GGNBP2: variants seen among roughly 807,000 people sequenced by gnomAD.
GGNBP2 encodes gametogenetin binding protein 2, also known as gametogenetin-binding protein 2.
Under a neutral mutation model 85.9 loss-of-function variants are expected in GGNBP2, and 10 were observed. The observed-to-expected ratio is 0.12, with a 90% CI of 0.07 to 0.20. The LOEUF (loss-of-function observed/expected upper bound fraction) is 0.20. Among genes scored for constraint, GGNBP2 ranks in the 10% least tolerant of loss-of-function variants. The pLI is 1.00. For missense variants in GGNBP2, 595 were observed against 857.8 expected (o/e 0.69, Z 3.83); for synonymous variants, 287 against 285.7 (o/e 1.00, Z -0.05).
At chr17:36,571,046 C>G (rs1037253562) in intron 6 of GGNBP2, among the ~76,000 whole-genome samples, 3 of 152,046 alleles carry the variant, frequency 2.0e-5, no homozygotes, top group Admixed American at 1.3e-4. Context: ...GGTAGAACAT[C>G]GGCAGATACT....
At position 36,587,193 on chromosome 17, in the gene GGNBP2, C is replaced by T. The variant is rs772067443; in HGVS notation, c.1838C>T (p.Thr613Met). The T allele has an allele frequency of 1.2e-5, 20 of 1,613,910 alleles. 1 individual carries two copies. The African/African-American group carries it at 1.7e-4, about 14-fold the overall frequency. The change falls in exon 13 of 14, where the codon ACG (threonine) becomes ATG (methionine). Residue 613 changes from threonine (T) to methionine (M), a missense_variant. Physicochemically the swap from Thr to Met is moderately conservative, Grantham distance 81 (BLOSUM62 -1). Coordinates refer to ENST00000613102, the MANE Select transcript of GGNBP2 (RefSeq NM_024835.5). ...CCACAGTTTGCAGAACCTACAGAAACGTTGTTTGGTCCCGATTCCGGAAAA... is the reference window on the plus strand; with the variant it reads ...CCACAGTTTGCAGAACCTACAGAAATGTTGTTTGGTCCCGATTCCGGAAAA... ...NVPQFAEPTE[T>M]LFGPDSGKGA...
At chr17:36,557,751 G>A (rs571244112) in intron 4 of GGNBP2, among the ~76,000 whole-genome samples, 1 of 152,284 alleles carries the variant, frequency 6.6e-6, no homozygotes, top group East Asian at 1.9e-4. Flanking sequence ...GCATGTTTGA[G>A]GAATAGTAAG....
chr17:36,569,923 C>A (rs1302848469), intron 6 of GGNBP2, among the ~76,000 whole-genome samples: 3 of 152,118 alleles, frequency 2.0e-5, no homozygotes, highest in Non-Finnish European at 2.9e-5. Flanking sequence ...GATTTTAGTC[C>A]ATTTTACAGA....
intron 2 of GGNBP2, among the ~76,000 whole-genome samples, chr17:36,554,351 AATTTT>A (rs1567818275): frequency 5.8e-5 from 6 of 102,640 alleles, no homozygotes; most frequent in African/African-American, 2.3e-4. Flanking sequence ...TATGTACTTG[AATTTT>A]TTTTTTTTTT....
chr17:36,571,822 G>A lies in GGNBP2; in HGVS notation c.641+4046G>A, dbSNP rs564099352. On this transcript the variant is annotated intron_variant, in intron 6 of 13. Transcript: ENST00000613102. The stretch of plus-strand genomic sequence containing the variant: ...TGCGCCACTGCACTGCAGCCTGGGC[G>A]ACAGAGCGAGACTCCATCTCAAAAA... Among the ~76,000 whole-genome samples, 281 of 152,064 alleles carry A rather than the reference G, an allele frequency of 1.8e-3. 3 individuals carry two copies. The highest frequency in any genetic ancestry group is 2.5e-3 in the Non-Finnish European group (170 of 67,970).
chr17:36,568,049 TC>T (rs1250845534), intron 6 of GGNBP2, among the ~76,000 whole-genome samples: 2 of 151,050 alleles, frequency 1.3e-5, no homozygotes, highest in Non-Finnish European at 3.0e-5. Context: ...CCTCAGCGTC[TC>T]GAGTAGCTGG....
intron 5 of GGNBP2, among the ~76,000 whole-genome samples, chr17:36,561,099 T>G (rs2074412464): frequency 6.6e-6 from 1 of 152,088 alleles, no homozygotes; most frequent in Non-Finnish European, 1.5e-5. Context: ...GTTAAATATG[T>G]TTTAGAGGAG....
chr17:36,583,821 A>C (rs909183323), intron 9 of GGNBP2, among the ~76,000 whole-genome samples: 3 of 152,176 alleles, frequency 2.0e-5, no homozygotes, highest in African/African-American at 7.2e-5. Flanking sequence ...TCAATACTAC[A>C]CTTTGACCAG....
chr17:36,546,931 G>A lies in GGNBP2; in HGVS notation c.93+1114G>A, dbSNP rs1033206236. On this transcript the variant is annotated intron_variant, in intron 2 of 13. Transcript: ENST00000613102. ...CCAGTCTATGCCTTTATGCTTGCCA[G>A]TCTCAATTAAGACTTGATTGAGCTG... 4.6e-5 allele frequency: 7 copies of A among 152,194 alleles called. No individual in the cohort carries two copies. In the East Asian group the frequency reaches 1.2e-3, roughly 25 times the overall value. 9.4% of individuals were successfully genotyped at this position (152,194 alleles called of 1,614,324 possible).
At chr17:36,576,595 A>ATGTGTGTGTGTGTGTG (rs71159620) in intron 6 of GGNBP2, 5 of 51,494 alleles carry the variant, frequency 9.7e-5, no homozygotes, top group African/African-American at 1.9e-4. Context: ...ATATATATAT[A>ATGTGTGTGTGTGTGTG]TGTGTGTGTG....
chr17:36,573,390 G>A (rs975994826), intron 6 of GGNBP2, among the ~76,000 whole-genome samples: 3 of 152,146 alleles, frequency 2.0e-5, no homozygotes, highest in Non-Finnish European at 4.4e-5. Context: ...TGGGATTACC[G>A]CACCTGGCTA....
intron 12 of GGNBP2, chr17:36,586,763 C>T (rs926724901): frequency 4.5e-5 from 19 of 418,726 alleles, no homozygotes; most frequent in Admixed American, 4.2e-4. Context: ...GGATTACAGG[C>T]GCATGCCACC....
chr17:36,551,060 A>G (rs2074303572), intron 2 of GGNBP2, among the ~76,000 whole-genome samples: 1 of 152,210 alleles, frequency 6.6e-6, no homozygotes, highest in East Asian at 1.9e-4. Flanking sequence ...GTAGTGAGTA[A>G]ATACAAGAGA....
At chr17:36,545,907 A>G in intron 2 of GGNBP2, 90 bp downstream of exon 2, 1 of 905,424 alleles carries the variant, frequency 1.1e-6, no homozygotes, top group South Asian at 1.6e-5. Context: ...TGCGCACTGG[A>G]GAAAGAGTGT....
At chr17:36,564,020 C>CA (rs1364512185) in intron 5 of GGNBP2, among the ~76,000 whole-genome samples, 1 of 152,248 alleles carries the variant, frequency 6.6e-6, no homozygotes, top group Non-Finnish European at 1.5e-5. Context: ...TTGGGATTAA[C>CA]AGGCGTGAGC....
chr17:36,585,430 G>A lies in GGNBP2; in HGVS notation c.1346G>A (p.Gly449Glu). The change falls in exon 10 of 14, where the codon GGG becomes GAG. Residue 449 changes from glycine to glutamate, a missense_variant. By Grantham distance (98) the Gly-to-Glu change is moderately conservative. Around this residue, in one of 9 missense-constraint regions of GGNBP2, gnomAD observed 85 missense variants for 92.6 expected, o/e 0.92. Transcript: ENST00000613102. ...TGTCCTAGCAGTGGCAATCTTTTGG[G>A]GTCCCCTAAAATAAAGAAAGGTAAG... ...CTCPSSGNLLGSPKIKKGLSP... is the reference protein window; with the variant it reads ...CTCPSSGNLLESPKIKKGLSP... The A allele has an allele frequency of 6.3e-7, 1 of 1,599,116 alleles. No individual in the cohort carries two copies. The highest frequency in any genetic ancestry group is 8.5e-7 in the Non-Finnish European group (1 of 1,173,698).
chr17:36,557,425 T>A, intron 4 of GGNBP2, 89 bp downstream of exon 4: 1 of 1,092,350 alleles, frequency 9.2e-7, no homozygotes, highest in South Asian at 1.4e-5. Flanking sequence ...ATGGAAAGAT[T>A]GAGTCTGATT....
At chr17:36,562,631 ATTAAGT>A (rs1275218620) in intron 5 of GGNBP2, among the ~76,000 whole-genome samples, 1 of 150,610 alleles carries the variant, frequency 6.6e-6, no homozygotes, top group African/African-American at 2.5e-5. Flanking sequence ...TTAATAATCT[ATTAAGT>A]TTTTTTCCCC....
At chr17:36,585,028 C>CA (rs2074686933) in intron 9 of GGNBP2, among the ~76,000 whole-genome samples, 1 of 151,854 alleles carries the variant, frequency 6.6e-6, no homozygotes, top group Non-Finnish European at 1.5e-5. Flanking sequence ...ACAGCTTCCT[C>CA]AGAGACATTC....
Sources: allele counts gnomAD v4.1 joint callset (sites outside exome capture counted in the v4.1 genomes callset), GRCh38; gene constraint gnomAD v4.1.1; regional missense constraint gnomAD v4.1.1; transcripts MANE v1.5; gene names NCBI Gene and HGNC (gene_info 2026-07-23, HGNC 2026-07-21).